The following EHD4 variants were observed in gnomAD, a reference collection of about 807,000 sequenced individuals.
EHD4 encodes the protein EH domain-containing protein 4.
EHD4 carries 37 observed loss-of-function variants against 51.0 expected under a neutral mutation model. The observed-to-expected ratio is 0.73, with a 90% CI of 0.56 to 0.95. EHD4 has a LOEUF of 0.95. Among genes scored for constraint, EHD4 ranks in the 40% least tolerant of loss-of-function variants. The probability of loss-of-function intolerance (pLI) is 0.00; values close to 1 mark genes in which losing one functional copy is unlikely to be tolerated. For synonymous variants in EHD4, 297 were observed against 317.3 expected (o/e 0.94, Z 0.68); for missense variants, 632 against 733.1 (o/e 0.86, Z 1.59).
chr15:41,965,034 A>G (rs2067953503), intron 1 of EHD4, among the ~76,000 whole-genome samples: 1 of 152,158 alleles, frequency 6.6e-6, no homozygotes, highest in African/African-American at 2.4e-5. Flanking sequence ...GGCCTCCCAA[A>G]GTGCTGGGAT....
intron 1 of EHD4, among the ~76,000 whole-genome samples, chr15:41,968,673 T>C (rs1301003020): frequency 6.6e-6 from 1 of 152,226 alleles, no homozygotes; most frequent in Non-Finnish European, 1.5e-5. Flanking sequence ...TCCATTTCTA[T>C]TTTAAATTAT....
chr15:41,917,871 C>T (rs1261342857), intron 4 of EHD4, among the ~76,000 whole-genome samples: 7 of 152,204 alleles, frequency 4.6e-5, no homozygotes, highest in Non-Finnish European at 1.0e-4. Flanking sequence ...CTCACACAAG[C>T]ACCACACCAC....
chr15:41,943,017 A>G, intron 3 of EHD4, 50 bp downstream of exon 3: 1 of 1,436,824 alleles, frequency 7.0e-7, no homozygotes. Context: ...CTCACAGCAG[A>G]GAGGGCCTCA....
intron 1 of EHD4, among the ~76,000 whole-genome samples, chr15:41,963,296 T>A (rs1302477527): frequency 1.6e-4 from 20 of 126,940 alleles, no homozygotes; most frequent in East Asian, 2.5e-4. Flanking sequence ...CAATAAATAC[T>A]AAAAAAAAAA....
chr15:41,963,794 C>T (rs927120025), intron 1 of EHD4, among the ~76,000 whole-genome samples: 1 of 152,038 alleles, frequency 6.6e-6, no homozygotes, highest in African/African-American at 2.4e-5. Context: ...AACACTTTTA[C>T]AACTGTGACA....
intron 1 of EHD4, among the ~76,000 whole-genome samples, chr15:41,962,184 T>TA (rs2067928346): frequency 6.6e-6 from 1 of 152,136 alleles, no homozygotes; most frequent in African/African-American, 2.4e-5. Flanking sequence ...AAATGTAACT[T>TA]AGAGACAGAA....
chr15:41,914,077 A>C (rs1779658954), intron 4 of EHD4, among the ~76,000 whole-genome samples: 1 of 152,184 alleles, frequency 6.6e-6, no homozygotes, highest in Non-Finnish European at 1.5e-5. Flanking sequence ...ACTGAGACAC[A>C]TGTACTAAAG....
At chr15:41,931,740 A>C (rs1325601625) in intron 3 of EHD4, among the ~76,000 whole-genome samples, 1 of 150,214 alleles carries the variant, frequency 6.7e-6, no homozygotes, top group African/African-American at 2.5e-5. Flanking sequence ...GCAGTGGCGC[A>C]ATCTCAGCTC....
chr15:41,948,989 C>T (rs1030402128), intron 2 of EHD4, among the ~76,000 whole-genome samples: 4 of 144,476 alleles, frequency 2.8e-5, no homozygotes, highest in South Asian at 2.3e-4. Flanking sequence ...CGTGCCTCCG[C>T]GCTCCAGCCT....
intron 4 of EHD4, among the ~76,000 whole-genome samples, chr15:41,917,310 G>A (rs991642558): frequency 3.9e-5 from 6 of 151,956 alleles, no homozygotes; most frequent in Admixed American, 6.6e-5. Context: ...TAGTAGAGAC[G>A]GGGTTTCAAT....
At chr15:41,952,360 C>A (rs1472439600) in intron 2 of EHD4, among the ~76,000 whole-genome samples, 1 of 152,202 alleles carries the variant, frequency 6.6e-6, no homozygotes, top group Admixed American at 6.5e-5. Flanking sequence ...TAGCTCTGTG[C>A]CTCCTACAAC....
intron 5 of EHD4, among the ~76,000 whole-genome samples, chr15:41,906,620 G>A (rs912117959): frequency 1.6e-4 from 25 of 152,228 alleles, no homozygotes; most frequent in Admixed American, 4.6e-4. Flanking sequence ...GAGCTGGACC[G>A]GAGCCATGGG....
chr15:41,910,694 G>T lies in EHD4; in HGVS notation c.925-831C>A, dbSNP rs571949845. Among the ~76,000 whole-genome samples the T allele has an allele frequency of 9.2e-5, 14 of 152,202 alleles. No individual in the cohort carries two copies. The East Asian group carries it at 2.7e-3, about 29-fold the overall frequency. ...AGCGATTTTCCTGCTTCAGCCTCCCGAGTAGCTGGGATTACAGGTGTGCAC... is the reference window on the plus strand; with the variant it reads ...AGCGATTTTCCTGCTTCAGCCTCCCTAGTAGCTGGGATTACAGGTGTGCAC... On this transcript the variant is annotated intron_variant, in intron 4 of 5. Coordinates refer to ENST00000220325, the MANE Select transcript of EHD4 (RefSeq NM_139265.4).
At chr15:41,912,224 C>G (rs1281836043) in intron 4 of EHD4, among the ~76,000 whole-genome samples, 3 of 152,154 alleles carry the variant, frequency 2.0e-5, no homozygotes, top group Non-Finnish European at 2.9e-5. Flanking sequence ...CTTAGGTGAC[C>G]TGCTCACACT....
chr15:41,960,974 A>G lies in EHD4; in HGVS notation c.237-7034T>C, dbSNP rs554184868. Reference sequence around the variant, plus strand: ...AGGTGTGAGCCACCGCGCCAGCCTCACTTACATTTTAAATGTGAAAACTAA... The same window carrying G: ...AGGTGTGAGCCACCGCGCCAGCCTCGCTTACATTTTAAATGTGAAAACTAA... On this transcript the variant is annotated intron_variant, in intron 1 of 5. Coordinates refer to ENST00000220325, the MANE Select transcript of EHD4 (RefSeq NM_139265.4). Among the ~76,000 whole-genome samples, 404 of 152,204 alleles carry G rather than the reference A, an allele frequency of 2.7e-3. 2 individuals carry two copies. The highest frequency in any genetic ancestry group is 4.6e-3 in the Non-Finnish European group (313 of 67,984).
chr15:41,932,810 C>T (rs6493014), intron 3 of EHD4, among the ~76,000 whole-genome samples: 67,416 of 151,948 alleles, frequency 0.44, 16,269 homozygotes, highest in East Asian at 0.62. Context: ...TGCTTTGGAT[C>T]TCTGGAAGAG....
intron 2 of EHD4, among the ~76,000 whole-genome samples, chr15:41,945,409 A>G (rs952060793): frequency 1.3e-5 from 2 of 152,216 alleles, no homozygotes. Context: ...CCACAGAGCA[A>G]GCCACCGTGA....
chr15:41,930,187 ACC>A lies in EHD4; in HGVS notation c.512-10567_512-10566del, dbSNP rs1279080845. ...GACTTCCAAGGATGCTTAAGAAGTC[ACC>A]CCATCTAACCTTCTGATATTATTAT... On this transcript the variant is annotated intron_variant, in intron 3 of 5. Coordinates refer to ENST00000220325, the MANE Select transcript of EHD4 (RefSeq NM_139265.4). 3.9e-5 allele frequency among the ~76,000 whole-genome samples: 6 copies of A among 152,204 alleles called. No homozygotes were observed. In the East Asian group the frequency reaches 1.2e-3, roughly 29 times the overall value.
intron 3 of EHD4, among the ~76,000 whole-genome samples, chr15:41,926,905 T>A (rs1170817899): frequency 1.4e-4 from 21 of 152,192 alleles, no homozygotes; most frequent in Admixed American, 1.2e-3. Context: ...TGGGGAACTT[T>A]CCTCCAGGTG....
Sources: allele counts gnomAD v4.1 joint callset (sites outside exome capture counted in the v4.1 genomes callset), GRCh38; gene constraint gnomAD v4.1.1; transcripts MANE v1.5; gene names NCBI Gene and HGNC (gene_info 2026-07-23, HGNC 2026-07-21).